LIMS1: variants seen among roughly 807,000 people sequenced by gnomAD.
The protein encoded by LIMS1 is LIM and senescent cell antigen-like-containing domain protein 1.
In LIMS1, 18 loss-of-function variants were observed where a neutral mutation model predicts 44.1. The ratio of observed to expected loss-of-function variants is 0.41; its 90% CI spans 0.28 to 0.61. The LOEUF (loss-of-function observed/expected upper bound fraction) is 0.61. Ranked by LOEUF, LIMS1 falls within the 20% of genes least tolerant of loss-of-function variation. The pLI is 0.32. For synonymous variants in LIMS1, 93 were observed against 149.1 expected, an observed-to-expected ratio of 0.62 and a Z score of 2.74; for missense variants, 201 against 422.0, an observed-to-expected ratio of 0.48 and a Z score of 4.59.
At chr2:108,642,828 A>C (rs546951146) in intron 1 of LIMS1, among the ~76,000 whole-genome samples, 1 of 152,300 alleles carries the variant, frequency 6.6e-6, no homozygotes, top group Admixed American at 6.5e-5. Flanking sequence ...AGGTGGAGTT[A>C]GTTTTGACTA....
chr2:108,641,015 A>G (rs1689634924), intron 1 of LIMS1, among the ~76,000 whole-genome samples: 1 of 152,164 alleles, frequency 6.6e-6, no homozygotes, highest in African/African-American at 2.4e-5. Flanking sequence ...GCTTTCACAT[A>G]TGAGTGAGAA....
At chr2:108,611,836 A>AATATATATATGT (rs1553459740) in intron 1 of LIMS1, among the ~76,000 whole-genome samples, 1 of 130,988 alleles carries the variant, frequency 7.6e-6, no homozygotes, top group Admixed American at 8.5e-5. Flanking sequence ...CATGATCTAA[A>AATATATATATGT]ATATATATAT....
At chr2:108,681,577 G>C (rs1343429928) in intron 9 of LIMS1, 1 of 958,560 alleles carries the variant, frequency 1.0e-6, no homozygotes, top group African/African-American at 1.8e-5. Flanking sequence ...TAAATTATAA[G>C]TGTTGTTTGA....
At chr2:108,580,349 C>T (rs1685838918) in intron 1 of LIMS1, among the ~76,000 whole-genome samples, 1 of 152,118 alleles carries the variant, frequency 6.6e-6, no homozygotes, top group Non-Finnish European at 1.5e-5. Flanking sequence ...CAGGACCAGT[C>T]ATTGTGGCCA....
chr2:108,632,163 G>A (rs752823066), intron 1 of LIMS1, among the ~76,000 whole-genome samples: 1 of 152,140 alleles, frequency 6.6e-6, no homozygotes, highest in Non-Finnish European at 1.5e-5. Flanking sequence ...GTAGTGACGA[G>A]GTTTCCCATT....
At chr2:108,587,287 GGTTTGTGT>G (rs1428589601) in intron 1 of LIMS1, among the ~76,000 whole-genome samples, 5 of 111,820 alleles carry the variant, frequency 4.5e-5, no homozygotes, top group Admixed American at 2.1e-4. Flanking sequence ...GTTTTCTTGG[GGTTTGTGT>G]GTGTGTGTGT....
intron 5 of LIMS1, 99 bp downstream of exon 5, chr2:108,673,128 C>T: frequency 2.7e-6 from 4 of 1,489,938 alleles, no homozygotes; most frequent in Non-Finnish European, 3.7e-6. Flanking sequence ...TGTTTTTCTC[C>T]AATTTTTAGT....
At chr2:108,608,366 C>T (rs952778072) in intron 1 of LIMS1, among the ~76,000 whole-genome samples, 1 of 149,752 alleles carries the variant, frequency 6.7e-6, no homozygotes, top group Non-Finnish European at 1.5e-5. Flanking sequence ...AGTGCAATGG[C>T]GTGATCTCGG....
intron 1 of LIMS1, among the ~76,000 whole-genome samples, chr2:108,640,260 C>T (rs1689575887): frequency 6.6e-6 from 1 of 152,098 alleles, no homozygotes; most frequent in African/African-American, 2.4e-5. Flanking sequence ...GGCTCCATGT[C>T]CTTTACAAAG....
Position 108,672,321 on chromosome 2 carries a change from A to G in LIMS1, c.260-4A>G, listed in dbSNP as rs1263581750. ...AACATCCTTTGTGTGTTGCTTTCCC[A>G]CAGGTGAATTCATCATTGGCCGAGT... On this transcript the variant is annotated splice_region_variant and splice_polypyrimidine_tract_variant and intron_variant, in intron 3 of 9. Coordinates refer to ENST00000544547, the Ensembl canonical transcript of LIMS1. 1 of 1,304,372 alleles carries G rather than the reference A, an allele frequency of 7.7e-7. No individual in the cohort carries two copies. The highest frequency in any genetic ancestry group is 1.0e-6 in the Non-Finnish European group (1 of 969,618). 80.8% of individuals were successfully genotyped at this position (1,304,372 alleles called of 1,614,324 possible). A position where few individuals can be genotyped will look rare whatever the true frequency, so the allele number is the denominator to read the frequency against.
At chr2:108,643,102 CAT>C (rs1315685747) in intron 1 of LIMS1, among the ~76,000 whole-genome samples, 2 of 152,352 alleles carry the variant, frequency 1.3e-5, no homozygotes, top group Non-Finnish European at 2.9e-5. Flanking sequence ...ATTTAAGGAA[CAT>C]GTGGGGTTCA....
intron 1 of LIMS1, among the ~76,000 whole-genome samples, chr2:108,593,785 A>G (rs1686526737): frequency 6.6e-6 from 1 of 152,220 alleles, no homozygotes; most frequent in Non-Finnish European, 1.5e-5. Flanking sequence ...GCCAAGTCAG[A>G]TGTGATTTCT....
chr2:108,675,834 C>T (rs1385478384), intron 5 of LIMS1, 44 bp from the exon 6 acceptor site: 9 of 1,613,484 alleles, frequency 5.6e-6, no homozygotes, highest in East Asian at 2.2e-5. Flanking sequence ...TGGTTGGCCA[C>T]TTTTCTCTCT....
intron 5 of LIMS1, among the ~76,000 whole-genome samples, chr2:108,675,023 TTTG>T (rs1692434742): frequency 6.6e-6 from 1 of 152,010 alleles, no homozygotes; most frequent in Admixed American, 6.6e-5. Context: ...TTCTGGGCAT[TTTG>T]TTGTTTATGA....
intron 1 of LIMS1, among the ~76,000 whole-genome samples, chr2:108,551,698 C>T (rs568917373): frequency 7.0e-6 from 1 of 143,322 alleles, no homozygotes; most frequent in South Asian, 2.1e-4. Context: ...TATACATACA[C>T]TAGTATATAT....
chr2:108,618,861 G>C (rs1398278872), intron 1 of LIMS1, among the ~76,000 whole-genome samples: 1 of 151,264 alleles, frequency 6.6e-6, no homozygotes. Flanking sequence ...GGTTAAAAAG[G>C]CCTTCCCCAA....
intron 1 of LIMS1, among the ~76,000 whole-genome samples, chr2:108,545,288 C>G (rs1684447052): frequency 6.6e-6 from 1 of 152,198 alleles, no homozygotes; most frequent in Non-Finnish European, 1.5e-5. Context: ...GGCAGGAGTG[C>G]AGTGGCTTGA....
intron 1 of LIMS1, among the ~76,000 whole-genome samples, chr2:108,622,973 A>AT (rs68115708): frequency 0.01 from 1,255 of 123,082 alleles, 23 homozygotes; most frequent in African/African-American, 0.029. Flanking sequence ...AAACAACTAG[A>AT]TTTTTTTTTT....
At chr2:108,534,699 C>A in intron 1 of LIMS1, 105 bp downstream of exon 1, 1 of 618,994 alleles carries the variant, frequency 1.6e-6, no homozygotes, top group Non-Finnish European at 2.0e-6. Context: ...GCCGGGCTTT[C>A]CCCGCGGCCT....
Sources: gnomAD v4.1 joint callset for allele counts (sites outside exome capture counted in the v4.1 genomes callset) on GRCh38, gnomAD v4.1.1 for gene constraint, MANE v1.5 for transcripts, NCBI Gene and HGNC (gene_info 2026-07-23, HGNC 2026-07-21) for gene names.